Variants in ARNT2 observed in about 807,000 individuals in gnomAD.
The protein encoded by ARNT2 is aryl hydrocarbon receptor nuclear translocator 2, also known as ARNT protein 2.
A neutral mutation model predicts 91.7 loss-of-function variants in ARNT2; 36 were observed. The observed-to-expected ratio is 0.39, with a 90% CI of 0.30 to 0.52. ARNT2 has a LOEUF of 0.52. ARNT2 is among the 20% of genes least tolerant of loss of function. The probability of loss-of-function intolerance (pLI) is 0.72; values close to 1 mark genes in which losing one functional copy is unlikely to be tolerated. For missense variants in ARNT2, 775 were observed against 939.3 expected, an observed-to-expected ratio of 0.83 and a Z score of 2.29; for synonymous variants, 365 against 347.1, an observed-to-expected ratio of 1.05 and a Z score of -0.57.
intron 8 of ARNT2, among the ~76,000 whole-genome samples, chr15:80,520,945 G>A (rs1897534800): frequency 6.6e-6 from 1 of 152,232 alleles, no homozygotes; most frequent in Non-Finnish European, 1.5e-5. Flanking sequence ...ATTGACTTTG[G>A]AAACAAAAGA....
chr15:80,493,405 T>C (rs899512604), intron 5 of ARNT2, among the ~76,000 whole-genome samples: 2 of 152,168 alleles, frequency 1.3e-5, no homozygotes, highest in Admixed American at 1.3e-4. Context: ...TGTACAGCTA[T>C]CTGGGAGCTG....
At chr15:80,571,273 T>C (rs1490942571) in intron 12 of ARNT2, among the ~76,000 whole-genome samples, 1 of 152,212 alleles carries the variant, frequency 6.6e-6, no homozygotes, top group Non-Finnish European at 1.5e-5. Context: ...AAAGAAATGA[T>C]GTACTGGGGG....
Position 80,453,598 on chromosome 15 carries a change from A to G in ARNT2, c.146+2604A>G, listed in dbSNP as rs555258681. On this transcript the variant is annotated intron_variant, in intron 2 of 18. Transcript: ENST00000303329. Reference sequence around the variant, plus strand: ...CCTTCAACCACAGCCTAAACACTTAACTAAGTACAAAGGAGACCCTGATGG... The same window carrying G: ...CCTTCAACCACAGCCTAAACACTTAGCTAAGTACAAAGGAGACCCTGATGG... Among the ~76,000 whole-genome samples, 5 of 152,298 alleles carry G rather than the reference A, an allele frequency of 3.3e-5. No homozygotes were observed. In the South Asian group the frequency reaches 8.3e-4, roughly 25 times the overall value.
chr15:80,424,046 C>T (rs1895900320), intron 1 of ARNT2, among the ~76,000 whole-genome samples: 1 of 152,160 alleles, frequency 6.6e-6, no homozygotes, highest in African/African-American at 2.4e-5. Flanking sequence ...AGTGGTGGCC[C>T]AGTTGCATCT....
At chr15:80,491,032 G>A (rs4309356) in intron 5 of ARNT2, among the ~76,000 whole-genome samples, 13,126 of 152,194 alleles carry the variant, frequency 0.086, 608 homozygotes, top group South Asian at 0.15. Context: ...GAAAATGGAA[G>A]GACATGAATG....
At chr15:80,553,167 A>G (rs1898115609) in intron 10 of ARNT2, among the ~76,000 whole-genome samples, 1 of 151,994 alleles carries the variant, frequency 6.6e-6, no homozygotes, top group African/African-American at 2.4e-5. Context: ...GCATTTGGAA[A>G]CCTTTTTTTG....
At chr15:80,422,326 A>G (rs577981949) in intron 1 of ARNT2, among the ~76,000 whole-genome samples, 4 of 152,332 alleles carry the variant, frequency 2.6e-5, no homozygotes, top group African/African-American at 9.6e-5. Flanking sequence ...AGCAGTAACA[A>G]ACAGCAGACA....
intron 5 of ARNT2, among the ~76,000 whole-genome samples, chr15:80,478,692 T>TA (rs1271784847): frequency 6.6e-6 from 1 of 152,162 alleles, no homozygotes; most frequent in Non-Finnish European, 1.5e-5. Context: ...AACAAGCTCT[T>TA]ATTGATTCCG....
At chr15:80,414,200 G>A (rs1170290837) in intron 1 of ARNT2, among the ~76,000 whole-genome samples, 1 of 152,234 alleles carries the variant, frequency 6.6e-6, no homozygotes, top group East Asian at 1.9e-4. Context: ...GGGGGCATTT[G>A]CAATGTCTGG....
chr15:80,410,528 A>G (rs1895665798), intron 1 of ARNT2, among the ~76,000 whole-genome samples: 1 of 152,158 alleles, frequency 6.6e-6, no homozygotes, highest in South Asian at 2.1e-4. Flanking sequence ...TCTGGGCTGG[A>G]GAAGGAAACA....
chr15:80,581,002 C>G (rs868430217), intron 16 of ARNT2: 43 of 566,252 alleles, frequency 7.6e-5, no homozygotes, highest in Middle Eastern at 9.2e-4. Context: ...CCAGAGGGCC[C>G]GGATCCTCGT....
intron 2 of ARNT2, among the ~76,000 whole-genome samples, chr15:80,454,044 T>C (rs1384686102): frequency 6.6e-6 from 1 of 152,214 alleles, no homozygotes; most frequent in Non-Finnish European, 1.5e-5. Flanking sequence ...TGGTTTAACT[T>C]TCTTCCCATT....
At chr15:80,560,875 C>G (rs1374183909) in intron 11 of ARNT2, among the ~76,000 whole-genome samples, 1 of 152,218 alleles carries the variant, frequency 6.6e-6, no homozygotes, top group Non-Finnish European at 1.5e-5. Context: ...TCCCACCCTC[C>G]CAGAGCTCTT....
chr15:80,412,732 C>T (rs572265224), intron 1 of ARNT2, among the ~76,000 whole-genome samples: 3 of 152,300 alleles, frequency 2.0e-5, no homozygotes, highest in African/African-American at 7.2e-5. Context: ...TTGTATTGAA[C>T]ATCCCCGTAT....
intron 1 of ARNT2, among the ~76,000 whole-genome samples, chr15:80,423,675 A>G (rs186234849): frequency 1.3e-5 from 2 of 152,042 alleles, no homozygotes. Flanking sequence ...ATCCATTATG[A>G]GTAGTGAGAT....
Position 80,548,968 on chromosome 15 carries a change from G to A in ARNT2, c.878-2231G>A, listed in dbSNP as rs116221409. ...AAGAATAGCCAAGAAAAAATACAAC[G>A]AATAGTCCTACCAGACATTAAAACA... is the stretch of plus-strand genomic sequence containing the variant. On this transcript the variant is annotated intron_variant, in intron 8 of 18. Coordinates refer to ENST00000303329, the MANE Select transcript of ARNT2 (RefSeq NM_014862.4). Among the ~76,000 whole-genome samples the A allele has an allele frequency of 5.8e-3, 878 of 152,090 alleles. 12 individuals are homozygous for A. The highest frequency in any genetic ancestry group is 0.019 in the African/African-American group (805 of 41,534).
Position 80,597,616 on chromosome 15 carries a change from G to T in ARNT2, c.*3918G>T. The stretch of plus-strand genomic sequence containing the variant: ...TCAACAACAGGCCAGGGTCTGTGGG[G>T]CACTGACCTTGAAAGTGGCAAAATG... On this transcript the variant is annotated 3_prime_UTR_variant, in exon 19 of 19. Coordinates refer to ENST00000303329, the MANE Select transcript of ARNT2 (RefSeq NM_014862.4). 1 of 165,992 alleles carries T rather than the reference G, an allele frequency of 6.0e-6. No homozygotes were observed. Among genetic ancestry groups the T allele is most frequent in the African/African-American group, 2.4e-5 (1 of 41,954 alleles). The allele number at this position is 165,992 out of a possible 1,614,324, so 10.3% of individuals were successfully genotyped here.
chr15:80,547,851 G>A (rs1006922756), intron 8 of ARNT2, among the ~76,000 whole-genome samples: 6 of 152,062 alleles, frequency 3.9e-5, no homozygotes, highest in East Asian at 1.9e-4. Context: ...TGTATAATAC[G>A]GTGAACTAGT....
intron 5 of ARNT2, among the ~76,000 whole-genome samples, chr15:80,500,781 C>T (rs1266464399): frequency 6.6e-6 from 1 of 152,172 alleles, no homozygotes; most frequent in Non-Finnish European, 1.5e-5. Flanking sequence ...TACAACCACC[C>T]AGCTCTGCCA....
Sources: allele counts gnomAD v4.1 joint callset (sites outside exome capture counted in the v4.1 genomes callset), GRCh38; gene constraint gnomAD v4.1.1; transcripts MANE v1.5; gene names NCBI Gene and HGNC (gene_info 2026-07-23, HGNC 2026-07-21).